TACR2: variants seen among roughly 807,000 people sequenced by gnomAD.
TACR2 encodes the protein tachykinin receptor 2.
Under a neutral mutation model 28.9 loss-of-function variants are expected in TACR2, and 24 were observed. The ratio of observed to expected loss-of-function variants is 0.83; its 90% CI spans 0.60 to 1.17. The LOEUF (loss-of-function observed/expected upper bound fraction) is 1.17. Ranked by LOEUF, TACR2 falls within the 50% of genes most tolerant of loss-of-function variation. The pLI is 0.00. For synonymous variants in TACR2, 222 were observed against 212.6 expected (o/e 1.04, Z -0.38); for missense variants, 487 against 524.4 (o/e 0.93, Z 0.70).
Position 69,404,664 on chromosome 10 carries a change from A to T in TACR2, c.*162T>A, listed in dbSNP as rs1158032147. 1 of 462,102 alleles carries T rather than the reference A, an allele frequency of 2.2e-6. No homozygotes were observed. The highest frequency in any genetic ancestry group is 3.8e-6 in the Non-Finnish European group (1 of 263,310). 28.6% of individuals were successfully genotyped at this position (462,102 alleles called of 1,614,324 possible). On this transcript the variant is annotated 3_prime_UTR_variant, in exon 5 of 5. Coordinates refer to ENST00000373306, the MANE Select transcript of TACR2 (RefSeq NM_001057.3). Reference sequence around the variant, plus strand: ...GAAGCAAGACAGGGAAACTGAGGACACCACACTCTTTCTAACAACTTGTTA... The same window carrying T: ...GAAGCAAGACAGGGAAACTGAGGACTCCACACTCTTTCTAACAACTTGTTA...
chr10:69,404,822 G>A lies in TACR2; in HGVS notation c.*4C>T. On this transcript the variant is annotated 3_prime_UTR_variant, in exon 5 of 5. Transcript: ENST00000373306. ...CCCTACCTCCCAACACTGCCACATT[G>A]GGATCAAATTTCAACATGAGTTTTG... 6.7e-7 allele frequency: 1 copy of A among 1,491,280 alleles called. No homozygotes were observed. Among genetic ancestry groups the A allele is most frequent in the African/African-American group, 1.4e-5 (1 of 72,086 alleles). The allele number at this position is 1,491,280 out of a possible 1,614,324, so 92.4% of individuals were successfully genotyped here.
chr10:69,414,803 C>A, intron 2 of TACR2, 142 bp downstream of exon 2: 1 of 848,924 alleles, frequency 1.2e-6, no homozygotes, highest in East Asian at 2.6e-5. Context: ...TTCACACAAT[C>A]CCGTGTACAC....
chr10:69,410,103 G>T (rs535077931), intron 2 of TACR2, among the ~76,000 whole-genome samples: 1 of 151,914 alleles, frequency 6.6e-6, no homozygotes, highest in East Asian at 1.9e-4. Context: ...AACCTCGTTT[G>T]TGTCAGCAAA....
At chr10:69,410,864 G>A (rs1028835044) in intron 2 of TACR2, among the ~76,000 whole-genome samples, 8 of 152,268 alleles carry the variant, frequency 5.3e-5, no homozygotes, top group Non-Finnish European at 1.2e-4. Flanking sequence ...GCTGGAGCAC[G>A]AATACCCTTT....
Position 69,404,719 on chromosome 10 carries a change from T to G in TACR2, c.*107A>C. 1 of 554,822 alleles carries G rather than the reference T, an allele frequency of 1.8e-6. No homozygotes were observed. Among genetic ancestry groups the G allele is most frequent in the South Asian group, 3.1e-5 (1 of 32,134 alleles). 34.4% of individuals were successfully genotyped at this position (554,822 alleles called of 1,614,324 possible). A position where few individuals can be genotyped will look rare whatever the true frequency, so the allele number is the denominator to read the frequency against. On this transcript the variant is annotated 3_prime_UTR_variant, in exon 5 of 5. Transcript: ENST00000373306. ...GGGAACTAGTCCATTCCCACAAGAG[T>G]GATGATTCACTTCAACTGGAAGGCA...
chr10:69,410,752 C>T (rs1015528098), intron 2 of TACR2, among the ~76,000 whole-genome samples: 5 of 152,126 alleles, frequency 3.3e-5, no homozygotes, highest in Admixed American at 3.3e-4. Flanking sequence ...ATTTACTGCC[C>T]CTAGTGTAAG....
chr10:69,413,252 C>T (rs1840583639), intron 2 of TACR2, among the ~76,000 whole-genome samples: 1 of 152,192 alleles, frequency 6.6e-6, no homozygotes, highest in Admixed American at 6.5e-5. Context: ...AACAATAACA[C>T]ATTCTCACAC....
At position 69,415,948 on chromosome 10, in the gene TACR2, C is replaced by A. The variant is rs199995772; in HGVS notation, c.376G>T (p.Ala126Ser). ...AMFVSIYSMT[A>S]IAADRYMAIV... ...CCCTCTTGCCTGTCGGCAGCAATGGCGGTCATGGAGTAGATGCTGACAAAC... is the reference window on the plus strand; with the variant it reads ...CCCTCTTGCCTGTCGGCAGCAATGGAGGTCATGGAGTAGATGCTGACAAAC... Residue 126 changes from alanine (A) to serine (S), a missense_variant, in exon 1 of 5, where the codon GCC (alanine) becomes TCC (serine). Coordinates refer to ENST00000373306, the MANE Select transcript of TACR2 (RefSeq NM_001057.3). The A allele has an allele frequency of 6.2e-7, 1 of 1,613,176 alleles. No individual in the cohort carries two copies. Among genetic ancestry groups the A allele is most frequent in the Non-Finnish European group, 8.5e-7 (1 of 1,179,168 alleles).
At chr10:69,407,538 T>C (rs904085120) in intron 3 of TACR2, among the ~76,000 whole-genome samples, 4 of 152,202 alleles carry the variant, frequency 2.6e-5, no homozygotes, top group Non-Finnish European at 5.9e-5. Context: ...GAAGCCCAGC[T>C]CAATGGCCAC....
At chr10:69,411,049 G>T (rs886955639) in intron 2 of TACR2, among the ~76,000 whole-genome samples, 2 of 152,112 alleles carry the variant, frequency 1.3e-5, no homozygotes, top group African/African-American at 4.8e-5. Context: ...GCATTTGGGG[G>T]TCCCTTTCAT....
chr10:69,408,165 G>GC (rs1399454297), intron 3 of TACR2, among the ~76,000 whole-genome samples: 1 of 152,142 alleles, frequency 6.6e-6, no homozygotes, highest in Admixed American at 6.5e-5. Flanking sequence ...ACCCTGGATG[G>GC]CAGGGAGTAG....
At chr10:69,415,360 C>T (rs1047778431) in intron 1 of TACR2, among the ~76,000 whole-genome samples, 8 of 152,232 alleles carry the variant, frequency 5.3e-5, no homozygotes, top group Non-Finnish European at 1.2e-4. Context: ...GGCCCAGGCA[C>T]CTCGGCCCAC....
At chr10:69,406,896 G>A (rs1208494186) in intron 4 of TACR2, among the ~76,000 whole-genome samples, 188 bp downstream of exon 4, 1 of 152,208 alleles carries the variant, frequency 6.6e-6, no homozygotes, top group Non-Finnish European at 1.5e-5. Context: ...GCTCAAGCTA[G>A]GCCCAGGCCA....
In TACR2 at chr10:69,415,111, G is replaced by C; in HGVS notation, c.421C>G (p.Pro141Ala). 5.0e-6 allele frequency: 8 copies of C among 1,612,592 alleles called. No homozygotes were observed. Among genetic ancestry groups the C allele is most frequent in the Non-Finnish European group, 5.9e-6 (7 of 1,179,974 alleles). The change falls in exon 2 of 5, where the codon CCT (proline) becomes GCT (alanine). Residue 141 changes from proline to alanine, a missense_variant. Coordinates refer to ENST00000373306, the MANE Select transcript of TACR2 (RefSeq NM_001057.3). ...TTGGTGCTGGGAGCTGAAAGCCGAG[G>C]CTGGAAGGGGTGGACGATGGCCATG... ...RYMAIVHPFQ[P>A]RLSAPSTKAV...
intron 2 of TACR2, among the ~76,000 whole-genome samples, chr10:69,412,526 G>T (rs1323810979): frequency 6.6e-6 from 1 of 152,154 alleles, no homozygotes; most frequent in Non-Finnish European, 1.5e-5. Flanking sequence ...GGCACAGGAA[G>T]TCTGTGTCAT....
At chr10:69,415,275 G>C in intron 1 of TACR2, 136 bp from the exon 2 acceptor site, 1 of 992,988 alleles carries the variant, frequency 1.0e-6, no homozygotes, top group Non-Finnish European at 1.4e-6. Context: ...TGATATCATA[G>C]TATCAGCCGA....
Position 69,407,081 on chromosome 10 carries a change from C to T in TACR2, c.938+3G>A, listed in dbSNP as rs765603387. The T allele has an allele frequency of 5.0e-6, 8 of 1,613,462 alleles. No homozygotes were observed. Among genetic ancestry groups the T allele is most frequent in the East Asian group, 2.2e-5 (1 of 44,816 alleles). On this transcript the variant is annotated splice_donor_region_variant and intron_variant, in intron 4 of 4. Transcript: ENST00000373306. ...AGAGGGTGGGGCTGGAGTGGGGGCT[C>T]ACCTGTGGTTGAGACAGCAGTAGAT... is the stretch of plus-strand genomic sequence containing the variant.
intron 2 of TACR2, among the ~76,000 whole-genome samples, chr10:69,414,221 C>T (rs901840351): frequency 1.5e-4 from 23 of 152,208 alleles, no homozygotes; most frequent in African/African-American, 5.6e-4. Context: ...TGCCTCCAGC[C>T]TGTGATGCCC....
intron 2 of TACR2, among the ~76,000 whole-genome samples, chr10:69,409,436 A>C (rs887177006): frequency 6.6e-6 from 1 of 151,954 alleles, no homozygotes; most frequent in Admixed American, 6.6e-5. Flanking sequence ...AAATTATCCC[A>C]CTCCCACCAC....
Sources: allele counts gnomAD v4.1 joint callset (sites outside exome capture counted in the v4.1 genomes callset), GRCh38; gene constraint gnomAD v4.1.1; transcripts MANE v1.5; gene names NCBI Gene and HGNC (gene_info 2026-07-23, HGNC 2026-07-21).